LRP1B: variants seen among roughly 807,000 people sequenced by gnomAD.
LRP1B encodes low-density lipoprotein receptor-related protein 1B.
Under a neutral mutation model 556.6 loss-of-function variants are expected in LRP1B, and 217 were observed. The observed-to-expected ratio is 0.39, with a 90% CI of 0.35 to 0.44. The LOEUF is 0.44. Among genes scored for constraint, LRP1B ranks in the 20% least tolerant of loss-of-function variants. The pLI is 1.00. For missense variants in LRP1B, 5,053 were observed against 5,620.8 expected (o/e 0.90, Z 3.23); for synonymous variants, 2,047 against 1,865.8 (o/e 1.10, Z -2.50).
intron 3 of LRP1B, among the ~76,000 whole-genome samples, chr2:141,471,017 T>C (rs1054435525): frequency 7.9e-5 from 12 of 152,138 alleles, no homozygotes; most frequent in African/African-American, 2.9e-4. Context: ...TGACTTTCAT[T>C]TACACAAACT....
intron 3 of LRP1B, among the ~76,000 whole-genome samples, chr2:141,472,213 T>C (rs200542515): frequency 2.0e-5 from 3 of 152,186 alleles, no homozygotes; most frequent in Non-Finnish European, 4.4e-5. Context: ...AAATATTTTA[T>C]TGGGGTGGGA....
At chr2:141,497,509 G>A (rs75416129) in intron 2 of LRP1B, among the ~76,000 whole-genome samples, 119 of 152,132 alleles carry the variant, frequency 7.8e-4, no homozygotes, top group Non-Finnish European at 1.5e-3. Flanking sequence ...AGGAAGTACC[G>A]GGTTTTTTCT....
chr2:141,241,882 G>A (rs749074019), intron 5 of LRP1B, among the ~76,000 whole-genome samples: 1 of 151,644 alleles, frequency 6.6e-6, no homozygotes, highest in East Asian at 1.9e-4. Context: ...TGAAGTTACG[G>A]CTCAATGAAA....
chr2:141,225,164 G>A (rs1486256675), intron 6 of LRP1B, among the ~76,000 whole-genome samples: 1 of 152,088 alleles, frequency 6.6e-6, no homozygotes, highest in Admixed American at 6.6e-5. Flanking sequence ...AGAATAAGCA[G>A]TTATTTTATT....
chr2:140,712,061 A>T (rs1687047734), intron 37 of LRP1B, among the ~76,000 whole-genome samples: 1 of 152,118 alleles, frequency 6.6e-6, no homozygotes, highest in South Asian at 2.1e-4. Flanking sequence ...GAGCTCTCAA[A>T]TGACCTTTGT....
intron 35 of LRP1B, among the ~76,000 whole-genome samples, chr2:140,739,369 A>C (rs1573646241): frequency 6.6e-6 from 1 of 152,234 alleles, no homozygotes; most frequent in South Asian, 2.1e-4. Context: ...AGTCAAAAAA[A>C]AAAAAAATGA....
intron 57 of LRP1B, among the ~76,000 whole-genome samples, chr2:140,488,805 G>A (rs981144303): frequency 6.6e-6 from 1 of 151,926 alleles, no homozygotes; most frequent in African/African-American, 2.4e-5. Flanking sequence ...GTCTCAAATT[G>A]TTTTAGAGGG....
chr2:140,633,071 G>GA (rs892727035), intron 41 of LRP1B, among the ~76,000 whole-genome samples: 25 of 129,094 alleles, frequency 1.9e-4, no homozygotes, highest in East Asian at 8.6e-4. Flanking sequence ...TCAAAAAAAA[G>GA]AAAAAAAAAA....
In LRP1B at chr2:142,000,833, G is replaced by A. The variant is rs115632300; in HGVS notation, c.82+129815C>T. On this transcript the variant is annotated intron_variant, in intron 1 of 90. Transcript: ENST00000389484. ...AGAGCCCAGATCACCCAAATATTGA[G>A]AGAGAAAATGAGAACTGAAGCTAAA... is the stretch of plus-strand genomic sequence containing the variant. Among the ~76,000 whole-genome samples the A allele has an allele frequency of 5.1e-3, 778 of 152,238 alleles. 7 individuals are homozygous for A. Among genetic ancestry groups the A allele is most frequent in the African/African-American group, 0.018 (740 of 41,550 alleles).
At chr2:141,686,837 G>A (rs1280534379) in intron 2 of LRP1B, among the ~76,000 whole-genome samples, 1 of 151,828 alleles carries the variant, frequency 6.6e-6, no homozygotes, top group Non-Finnish European at 1.5e-5. Flanking sequence ...TGGCTTTATA[G>A]GAAGAGGAAG....
chr2:140,406,516 G>A (rs1475715169), intron 66 of LRP1B, among the ~76,000 whole-genome samples: 1 of 152,034 alleles, frequency 6.6e-6, no homozygotes, highest in Non-Finnish European at 1.5e-5. Flanking sequence ...CAAAGTCAAT[G>A]TACAGAAGTC....
intron 2 of LRP1B, among the ~76,000 whole-genome samples, chr2:141,650,510 G>C (rs1689747240): frequency 6.6e-6 from 1 of 152,166 alleles, no homozygotes; most frequent in African/African-American, 2.4e-5. Flanking sequence ...GATTACATTT[G>C]AGTTTTTCAA....
intron 2 of LRP1B, among the ~76,000 whole-genome samples, chr2:141,769,080 A>G (rs900279818): frequency 1.3e-5 from 2 of 152,184 alleles, no homozygotes; most frequent in Non-Finnish European, 2.9e-5. Flanking sequence ...TCAAAGTCAC[A>G]TGACTCTTAT....
intron 53 of LRP1B, among the ~76,000 whole-genome samples, chr2:140,505,517 T>C (rs571062138): frequency 3.3e-5 from 5 of 152,342 alleles, no homozygotes; most frequent in African/African-American, 1.2e-4. Context: ...ATTGAATTTC[T>C]GTTTTTTCCA....
intron 23 of LRP1B, among the ~76,000 whole-genome samples, chr2:140,901,401 CTACAACTGTCTTGG>C (rs1559183539): frequency 2.0e-5 from 3 of 152,172 alleles, no homozygotes; most frequent in African/African-American, 7.2e-5. Flanking sequence ...CTTTCATTAC[CTACAACTGTCTTGG>C]TAAATTCTTT....
intron 1 of LRP1B, among the ~76,000 whole-genome samples, chr2:142,057,486 C>T (rs1452557896): frequency 6.6e-6 from 1 of 152,088 alleles, no homozygotes; most frequent in Admixed American, 6.6e-5. Flanking sequence ...TCTAGTGATA[C>T]AGAATGCCGC....
chr2:140,708,660 A>G (rs1386283434), intron 37 of LRP1B, among the ~76,000 whole-genome samples: 2 of 151,804 alleles, frequency 1.3e-5, no homozygotes, highest in East Asian at 3.8e-4. Flanking sequence ...ATGTACATAT[A>G]TATAATATTA....
At chr2:141,649,656 A>G (rs2105376860) in intron 2 of LRP1B, among the ~76,000 whole-genome samples, 1 of 152,270 alleles carries the variant, frequency 6.6e-6, no homozygotes, top group Non-Finnish European at 1.5e-5. Flanking sequence ...TGTAATTCCA[A>G]TACCTCTAAT....
chr2:140,838,702 A>G (rs1052478268), intron 31 of LRP1B, among the ~76,000 whole-genome samples: 1 of 148,866 alleles, frequency 6.7e-6, no homozygotes, highest in Non-Finnish European at 1.5e-5. Flanking sequence ...TTTCTATTGT[A>G]TATCCCATCA....
Sources: allele counts gnomAD v4.1 joint callset (sites outside exome capture counted in the v4.1 genomes callset), GRCh38; gene constraint gnomAD v4.1.1; transcripts MANE v1.5; gene names NCBI Gene and HGNC (gene_info 2026-07-23, HGNC 2026-07-21).